The following IGDCC4 variants were observed in gnomAD, a reference collection of about 807,000 sequenced individuals.
The protein encoded by IGDCC4 is immunoglobulin superfamily DCC subclass member 4, also known as likely ortholog of mouse neighbor of Punc E11.
In IGDCC4, 72 loss-of-function variants were observed where a neutral mutation model predicts 116.6. The observed-to-expected ratio is 0.62, with a 90% CI of 0.51 to 0.75. The LOEUF (loss-of-function observed/expected upper bound fraction) is 0.75, where lower values mean the gene tolerates loss of function less well. Among genes scored for constraint, IGDCC4 ranks in the 30% least tolerant of loss-of-function variants. The pLI is 0.00. For synonymous variants in IGDCC4, 709 were observed against 719.9 expected (o/e 0.98, Z 0.24); for missense variants, 1,501 against 1,662.4 (o/e 0.90, Z 1.69).
At chr15:65,400,027 C>A (rs1376212555) in intron 5 of IGDCC4, among the ~76,000 whole-genome samples, 1 of 152,232 alleles carries the variant, frequency 6.6e-6, no homozygotes, top group Admixed American at 6.5e-5. Flanking sequence ...TCTTCCACTG[C>A]CTCTCTGAGC....
In IGDCC4 at chr15:65,395,119, T is replaced by C. The variant is rs201945051; in HGVS notation, c.1551A>G (p.Pro517=). Residue 517 remains proline (P), a synonymous_variant, in exon 8 of 20, where the codon CCA becomes CCG. Coordinates refer to ENST00000352385, the MANE Select transcript of IGDCC4 (RefSeq NM_020962.3). The part of the protein sequence containing the change: ...SQLGASRTST[P]ALVHTLDDVP... Reference sequence around the variant, plus strand: ...CATCATCCAGTGTGTGCACCAGTGCTGGGGTGGAGGTGCGGCTGGCTCCCA... The same window carrying C: ...CATCATCCAGTGTGTGCACCAGTGCCGGGGTGGAGGTGCGGCTGGCTCCCA... 1.5e-5 allele frequency: 25 copies of C among 1,613,536 alleles called. 1 individual carries two copies. In the Admixed American group the frequency reaches 2.7e-4, roughly 17 times the overall value.
chr15:65,381,947 TATA>T lies in IGDCC4; in HGVS notation c.*2059_*2061del, dbSNP rs2091404253. On this transcript the variant is annotated 3_prime_UTR_variant, in exon 20 of 20. Coordinates refer to ENST00000352385, the MANE Select transcript of IGDCC4 (RefSeq NM_020962.3). Reference sequence around the variant, plus strand: ...CAATTTTCCACCCAACCTAATGGGTTATAAATTGTCTCATTTGCAGCTATTTAA... The same window carrying T: ...CAATTTTCCACCCAACCTAATGGGTTAATTGTCTCATTTGCAGCTATTTAA... 1 of 152,620 alleles carries T rather than the reference TATA, an allele frequency of 6.6e-6. No individual in the cohort carries two copies. The highest frequency in any genetic ancestry group is 6.5e-5 in the Admixed American group (1 of 15,278). 9.5% of individuals were successfully genotyped at this position (152,620 alleles called of 1,614,324 possible). A position where few individuals can be genotyped will look rare whatever the true frequency, so the allele number is the denominator to read the frequency against.
At position 65,402,470 on chromosome 15, in the gene IGDCC4, T is replaced by C. The variant is rs1269216655; in HGVS notation, c.581A>G (p.Asn194Ser). 1.9e-6 allele frequency: 3 copies of C among 1,567,322 alleles called. No individual in the cohort carries two copies. The highest frequency in any genetic ancestry group is 2.6e-6 in the Non-Finnish European group (3 of 1,155,356). ...PEEPRLIVLP[N>S]GVLQILDVQE... The stretch of plus-strand genomic sequence containing the variant: ...AACATCCAGGATCTGAAGGACGCCG[T>C]TGGGAAGCACGATGAGCCTTGGGAA... The change falls in exon 4 of 20, where the codon AAC becomes AGC. Residue 194 changes from asparagine (N) to serine (S), a missense_variant. Asn to Ser is a conservative substitution (Grantham distance 46). This residue lies in a region of IGDCC4 where 898 missense variants were observed against 978.9 expected (regional missense o/e 0.92). Coordinates refer to ENST00000352385, the MANE Select transcript of IGDCC4 (RefSeq NM_020962.3).
chr15:65,407,040 C>T (rs1245268247), intron 3 of IGDCC4, among the ~76,000 whole-genome samples: 1 of 152,154 alleles, frequency 6.6e-6, no homozygotes, highest in Non-Finnish European at 1.5e-5. Context: ...ACAGGTTCCG[C>T]ACCCAGCCAC....
intron 1 of IGDCC4, among the ~76,000 whole-genome samples, chr15:65,413,265 T>G (rs915281182): frequency 6.6e-6 from 1 of 152,092 alleles, no homozygotes. Flanking sequence ...ACATGGCTCA[T>G]TCCAGGCCCT....
At chr15:65,404,207 T>A (rs1363016818) in intron 3 of IGDCC4, among the ~76,000 whole-genome samples, 1 of 152,070 alleles carries the variant, frequency 6.6e-6, no homozygotes, top group East Asian at 1.9e-4. Flanking sequence ...CTTAAAGGAC[T>A]TAGAGAAAAA....
Position 65,383,988 on chromosome 15 carries a change from A to G in IGDCC4, c.*21T>C. 6.4e-7 allele frequency: 1 copy of G among 1,552,492 alleles called. No homozygotes were observed. Among genetic ancestry groups the G allele is most frequent in the Non-Finnish European group, 8.7e-7 (1 of 1,144,716 alleles). ...ATGTGATCCATACCTGCCTGCCCCA[A>G]ACCACATCCTCTGGGAAGAGCTAGG... On this transcript the variant is annotated 3_prime_UTR_variant, in exon 20 of 20. Coordinates refer to ENST00000352385, the MANE Select transcript of IGDCC4 (RefSeq NM_020962.3).
At chr15:65,422,549 C>T (rs963331515) in intron 1 of IGDCC4, among the ~76,000 whole-genome samples, 1 of 151,598 alleles carries the variant, frequency 6.6e-6, no homozygotes, top group Admixed American at 6.6e-5. Flanking sequence ...CACACACACA[C>T]ACACACACGA....
intron 3 of IGDCC4, among the ~76,000 whole-genome samples, chr15:65,408,890 C>T (rs1179846293): frequency 7.0e-6 from 1 of 142,444 alleles, no homozygotes; most frequent in Non-Finnish European, 1.5e-5. Flanking sequence ...CCCAGGCTGG[C>T]TGGAATGCAG....
chr15:65,402,544 G>A, intron 3 of IGDCC4, 57 bp from the exon 4 acceptor site: 1 of 1,542,894 alleles, frequency 6.5e-7, no homozygotes. Flanking sequence ...CAGGGAGGGT[G>A]GCTCATGGTA....
In IGDCC4 at chr15:65,395,848, G is replaced by GT; in HGVS notation, c.1312dup (p.Thr438AsnfsTer63). 1 of 1,575,086 alleles carries GT rather than the reference G, an allele frequency of 6.3e-7. No homozygotes were observed. The highest frequency in any genetic ancestry group is 8.6e-7 in the Non-Finnish European group (1 of 1,167,238). ...CAACACAGCGGAGCTGCTCAGTGGCGTAGCAGTGACCCGCGTGGGGGCGCT... is the reference window on the plus strand; with the variant it reads ...CAACACAGCGGAGCTGCTCAGTGGCGTTAGCAGTGACCCGCGTGGGGGCGCT... On this transcript the variant is annotated frameshift_variant, in exon 7 of 20. Coordinates refer to ENST00000352385, the MANE Select transcript of IGDCC4 (RefSeq NM_020962.3). LOFTEE classifies it high-confidence loss of function.
Position 65,386,656 on chromosome 15 carries a change from T to C in IGDCC4, c.2846A>G (p.Asp949Gly). 6.2e-7 allele frequency: 1 copy of C among 1,608,558 alleles called. No homozygotes were observed. Among genetic ancestry groups the C allele is most frequent in the Non-Finnish European group, 8.5e-7 (1 of 1,178,454 alleles). The change falls in exon 17 of 20, where the codon GAC (aspartate) becomes GGC (glycine). Residue 949 changes from aspartate to glycine, a missense_variant and splice_region_variant. Asp to Gly is a moderately conservative substitution (Grantham distance 94). Coordinates refer to ENST00000352385, the MANE Select transcript of IGDCC4 (RefSeq NM_020962.3). ...CGTGACTGAGTGCATGTCCAGCGAG[T>C]CTGGTGGGGGAGAGAGAGGCACAGA... ...DVITLQEKLS[D>G]SLDMHSVTGI...
Position 65,396,843 on chromosome 15 carries a change from G to T in IGDCC4, c.988C>A (p.Arg330Ser). Residue 330 changes from arginine (R) to serine (S), a missense_variant, in exon 6 of 20, where the codon CGT becomes AGT. Physicochemically the swap from Arg to Ser is moderately radical, Grantham distance 110. This residue lies in a region of IGDCC4 where 898 missense variants were observed against 978.9 expected (regional missense o/e 0.92). Coordinates refer to ENST00000352385, the MANE Select transcript of IGDCC4 (RefSeq NM_020962.3). ...CTTCGGCCCGCCTCACCCAGCACAC[G>T]GAGCTCAGCGGCTGCAGTGGCGAAG... is the stretch of plus-strand genomic sequence containing the variant. ...RDFATAAAEL[R>S]VLAAPAITQA... 6.4e-7 allele frequency: 1 copy of T among 1,571,950 alleles called. No homozygotes were observed. Among genetic ancestry groups the T allele is most frequent in the South Asian group, 1.2e-5 (1 of 85,462 alleles).
chr15:65,392,180 A>G lies in IGDCC4; in HGVS notation c.2076T>C (p.Pro692=). Residue 692 remains proline (P), a synonymous_variant, in exon 11 of 20, where the codon CCT becomes CCC. Transcript: ENST00000352385. ...GCTTCACTTTCTTCTTGAGCCGGAC[A>G]GGCCCCACATCCCAAGCCTGGTCTC... ...GRGDQAWDVG[P]VRLKKKVKQY... 1.2e-6 allele frequency: 2 copies of G among 1,613,372 alleles called. No homozygotes were observed. Among genetic ancestry groups the G allele is most frequent in the Non-Finnish European group, 8.5e-7 (1 of 1,179,796 alleles).
rs2607876 is a variant in IGDCC4 at position 65,382,913 on chromosome 15, C to A, written c.*1096G>T. 1.3e-5 allele frequency: 2 copies of A among 151,820 alleles called. No individual in the cohort carries two copies. The highest frequency in any genetic ancestry group is 2.9e-5 in the Non-Finnish European group (2 of 68,036). The allele number at this position is 151,820 out of a possible 1,614,324, so 9.4% of individuals were successfully genotyped here. Reference sequence around the variant, plus strand: ...TTTATTCTGAGCCTCTGGATCACAGCCCCCTTCCCTGTCTCAAACATTCCC... The same window carrying A: ...TTTATTCTGAGCCTCTGGATCACAGACCCCTTCCCTGTCTCAAACATTCCC... On this transcript the variant is annotated 3_prime_UTR_variant, in exon 20 of 20. Transcript: ENST00000352385.
intron 10 of IGDCC4, among the ~76,000 whole-genome samples, chr15:65,392,871 C>T (rs1383644428): frequency 6.6e-6 from 1 of 152,036 alleles, no homozygotes; most frequent in Non-Finnish European, 1.5e-5. Flanking sequence ...ATCCTTGCAA[C>T]CCTCTAAAAT....
intron 1 of IGDCC4, among the ~76,000 whole-genome samples, chr15:65,418,382 T>C (rs1160780781): frequency 6.6e-6 from 1 of 152,174 alleles, no homozygotes; most frequent in African/African-American, 2.4e-5. Flanking sequence ...TACTTTCTGC[T>C]CACTGGCCAG....
chr15:65,400,685 T>A, intron 5 of IGDCC4, 121 bp downstream of exon 5: 1 of 1,277,884 alleles, frequency 7.8e-7, no homozygotes, highest in East Asian at 2.5e-5. Flanking sequence ...AAGGAGTTCG[T>A]GCCACACCAG....
chr15:65,394,471 G>A lies in IGDCC4; in HGVS notation c.1654C>T (p.Pro552Ser). The A allele has an allele frequency of 3.1e-6, 5 of 1,613,996 alleles. No individual in the cohort carries two copies. The highest frequency in any genetic ancestry group is 2.2e-5 in the East Asian group (1 of 44,876). ...ACCACCTGCCCATTGCTCAGGCTGG[G>A]GGGCAGGGGCAGCCACGCCACCCTG... ...DIRVAWLPLP[P>S]SLSNGQVVKY... is the part of the protein sequence containing the mutation. The change falls in exon 9 of 20, where the codon CCC becomes TCC. Residue 552 changes from proline to serine, a missense_variant. Coordinates refer to ENST00000352385, the MANE Select transcript of IGDCC4 (RefSeq NM_020962.3).
Sources: allele counts gnomAD v4.1 joint callset (sites outside exome capture counted in the v4.1 genomes callset), GRCh38; gene constraint gnomAD v4.1.1; regional missense constraint gnomAD v4.1.1; transcripts MANE v1.5; gene names NCBI Gene and HGNC (gene_info 2026-07-23, HGNC 2026-07-21).